The following TTLL6 variants were observed in gnomAD, a reference collection of about 807,000 sequenced individuals.
TTLL6 encodes the protein tubulin tyrosine ligase like 6, also known as tubulin polyglutamylase TTLL6.
Under a neutral mutation model 96.4 loss-of-function variants are expected in TTLL6, and 75 were observed. The observed-to-expected ratio is 0.78, with a 90% CI of 0.65 to 0.94. The LOEUF (loss-of-function observed/expected upper bound fraction) is 0.94. Among genes scored for constraint, TTLL6 ranks in the 40% least tolerant of loss-of-function variants. The pLI is 0.00. For missense variants in TTLL6, 1,030 were observed against 1,093.0 expected (o/e 0.94, Z 0.81); for synonymous variants, 411 against 419.4 (o/e 0.98, Z 0.24).
rs185369096 is a variant in TTLL6, at chr17:48,794,208, G to A, written c.998+1853C>T. On this transcript the variant is annotated intron_variant, in intron 8 of 15. Coordinates refer to ENST00000393382, the MANE Select transcript of TTLL6 (RefSeq NM_001130918.3). The stretch of plus-strand genomic sequence containing the variant: ...CTTGAAGCCTTGCAACCTCACCTTA[G>A]TTCTGCTACCCCGAGACACCCCTCC... 21 of 1,614,070 alleles carry A rather than the reference G, an allele frequency of 1.3e-5. No individual in the cohort carries two copies. In the Admixed American group the frequency reaches 3.5e-4, roughly 27 times the overall value.
In TTLL6 at chr17:48,786,261, C is replaced by T. The variant is rs868242310; in HGVS notation, c.1664G>A (p.Gly555Glu). 3 of 1,614,226 alleles carry T rather than the reference C, an allele frequency of 1.9e-6. No individual in the cohort carries two copies. The highest frequency in any genetic ancestry group is 1.7e-5 in the Admixed American group (1 of 60,018). Residue 555 changes from glycine (G) to glutamate (E), a missense_variant, in exon 12 of 16, where the codon GGG becomes GAG. By Grantham distance (98) the Gly-to-Glu change is moderately conservative (BLOSUM62 -2). Coordinates refer to ENST00000393382, the MANE Select transcript of TTLL6 (RefSeq NM_001130918.3). ...FQMKKKVEMQ[G>E]ESAGEQVRKK... ...TCTCACTTGCTCGCCTGCCGATTCCCCCTGCATCTCTACCTTCTTCTTCAT... is the reference window on the plus strand; with the variant it reads ...TCTCACTTGCTCGCCTGCCGATTCCTCCTGCATCTCTACCTTCTTCTTCAT...
intron 6 of TTLL6, among the ~76,000 whole-genome samples, chr17:48,797,870 G>A (rs1024194873): frequency 3.7e-4 from 55 of 150,590 alleles, no homozygotes; most frequent in African/African-American, 1.3e-3. Context: ...TTGGGAGGCC[G>A]AAGAGGGAGG....
rs191214058 is a variant in TTLL6, at chr17:48,811,502, A to T, written c.103+5468T>A. Among the ~76,000 whole-genome samples, 300 of 152,102 alleles carry T rather than the reference A, an allele frequency of 2.0e-3. 1 individual carries two copies. The highest frequency in any genetic ancestry group is 7.0e-3 in the African/African-American group (291 of 41,484). On this transcript the variant is annotated intron_variant, in intron 1 of 15. Coordinates refer to ENST00000393382, the MANE Select transcript of TTLL6 (RefSeq NM_001130918.3). The stretch of plus-strand genomic sequence containing the variant: ...TGCCTCAACCTTGGAAGTAGCTGGG[A>T]TTACAACCATGAGCCGCTGTGCCCA...
At chr17:48,780,757 C>G (rs1433161868) in intron 13 of TTLL6, among the ~76,000 whole-genome samples, 1 of 152,192 alleles carries the variant, frequency 6.6e-6, no homozygotes, top group Non-Finnish European at 1.5e-5. Context: ...CTTTTTGTGA[C>G]TAGCTTCTTT....
chr17:48,805,068 G>C, intron 1 of TTLL6, 77 bp from the exon 2 acceptor site: 1 of 1,170,926 alleles, frequency 8.5e-7, no homozygotes, highest in Non-Finnish European at 1.2e-6. Flanking sequence ...CATGTGGGTA[G>C]AGACCCAGGG....
intron 1 of TTLL6, 48 bp downstream of exon 1, chr17:48,816,922 C>G: frequency 7.1e-7 from 1 of 1,404,262 alleles, no homozygotes; most frequent in Admixed American, 2.4e-5. Context: ...GGACAGGCAC[C>G]AGGAGGCTGC....
chr17:48,798,190 G>C (rs2039352832), intron 6 of TTLL6, among the ~76,000 whole-genome samples: 2 of 152,190 alleles, frequency 1.3e-5, no homozygotes, highest in South Asian at 4.1e-4. Context: ...GTGAGGCCGA[G>C]GCAGGAGGAT....
intron 13 of TTLL6, 121 bp downstream of exon 13, chr17:48,784,802 G>A: frequency 1.3e-6 from 1 of 741,264 alleles, no homozygotes; most frequent in Non-Finnish European, 2.2e-6. Context: ...CTCAAGGGGA[G>A]ACACCAAGGC....
chr17:48,776,237 T>C (rs1350764876), intron 13 of TTLL6, among the ~76,000 whole-genome samples: 1 of 152,078 alleles, frequency 6.6e-6, no homozygotes, highest in African/African-American at 2.4e-5. Context: ...GAGGCCAAGG[T>C]GGGCGGATCA....
rs752744799 is a variant in TTLL6, at chr17:48,787,785, C to T, written c.1589+26G>A. On this transcript the variant is annotated intron_variant, in intron 11 of 15. Coordinates refer to ENST00000393382, the MANE Select transcript of TTLL6 (RefSeq NM_001130918.3). ...CACACAATCCCCAGAACCCCTCCAC[C>T]GACCTCATCCCGGATGTCTTCCTAC... 15 of 1,603,342 alleles carry T rather than the reference C, an allele frequency of 9.4e-6. No individual in the cohort carries two copies. In the African/African-American group the frequency reaches 9.4e-5, roughly 10 times the overall value.
chr17:48,805,916 C>T (rs955966061), intron 1 of TTLL6, among the ~76,000 whole-genome samples: 1 of 152,178 alleles, frequency 6.6e-6, no homozygotes, highest in Non-Finnish European at 1.5e-5. Flanking sequence ...TTGAGACCAG[C>T]CCTACCCACA....
intron 14 of TTLL6, 42 bp downstream of exon 14, chr17:48,769,686 C>G (rs758386945): frequency 6.3e-6 from 10 of 1,591,372 alleles, no homozygotes; most frequent in Non-Finnish European, 8.6e-6. Flanking sequence ...GTCCCTCTCC[C>G]CTTTAAGCTC....
intron 1 of TTLL6, chr17:48,806,330 G>T (rs2039505634): frequency 6.6e-6 from 1 of 151,852 alleles, no homozygotes; most frequent in South Asian, 2.1e-4. Context: ...GAATGCCCCT[G>T]CTTCACTCCT....
At chr17:48,793,918 G>A (rs2039273193) in intron 8 of TTLL6, among the ~76,000 whole-genome samples, 1 of 152,170 alleles carries the variant, frequency 6.6e-6, no homozygotes, top group Admixed American at 6.5e-5. Context: ...GGGAAGTTGG[G>A]CAGGGAGACC....
At chr17:48,806,847 A>G (rs1309626684) in intron 1 of TTLL6, among the ~76,000 whole-genome samples, 1 of 151,920 alleles carries the variant, frequency 6.6e-6, no homozygotes, top group Non-Finnish European at 1.5e-5. Context: ...CCTGACCAAC[A>G]TGGCAAAACC....
At chr17:48,800,449 C>T (rs913513613) in intron 5 of TTLL6, among the ~76,000 whole-genome samples, 5 of 152,318 alleles carry the variant, frequency 3.3e-5, no homozygotes, top group South Asian at 2.1e-4. Context: ...CACTTAACTG[C>T]AATGTTCCTC....
At chr17:48,770,510 G>GTTATTATTATTATTATTATTATTA (rs145832180) in intron 13 of TTLL6, among the ~76,000 whole-genome samples, 8,019 of 147,760 alleles carry the variant, frequency 0.054, 285 homozygotes, top group Middle Eastern at 0.085. Context: ...TATTGTTGTT[G>GTTATTATTATTATTATTATTATTA]TTATTATTAT....
At chr17:48,763,008 T>G in intron 15 of TTLL6, 35 bp from the exon 16 acceptor site, 2 of 437,964 alleles carry the variant, frequency 4.6e-6, no homozygotes, top group Non-Finnish European at 9.0e-6. Context: ...AGATTTTCCT[T>G]TAAAATGGCC....
At chr17:48,798,089 CAG>C (rs1484807264) in intron 6 of TTLL6, among the ~76,000 whole-genome samples, 1 of 151,810 alleles carries the variant, frequency 6.6e-6, no homozygotes, top group Non-Finnish European at 1.5e-5. Context: ...GCCTGGGTGA[CAG>C]AGTGAGACCC....
Sources: gnomAD v4.1 joint callset for allele counts (sites outside exome capture counted in the v4.1 genomes callset) on GRCh38, gnomAD v4.1.1 for gene constraint, MANE v1.5 for transcripts, NCBI Gene and HGNC (gene_info 2026-07-23, HGNC 2026-07-21) for gene names.